Variants in RICTOR observed in about 807,000 individuals in gnomAD.
RICTOR encodes rapamycin-insensitive companion of mTOR.
RICTOR carries 49 observed loss-of-function variants against 214.9 expected under a neutral mutation model. The ratio of observed to expected loss-of-function variants is 0.23; its 90% CI spans 0.18 to 0.29. The LOEUF is 0.29. RICTOR is among the 10% of genes least tolerant of loss of function. RICTOR has a pLI of 1.00. For missense variants in RICTOR, 1,625 were observed against 2,047.0 expected (o/e 0.79, Z 3.98); for synonymous variants, 717 against 711.3 (o/e 1.01, Z -0.13).
intron 2 of RICTOR, among the ~76,000 whole-genome samples, chr5:39,025,722 C>T (rs1290705571): frequency 6.6e-6 from 1 of 152,230 alleles, no homozygotes; most frequent in Middle Eastern, 3.4e-3. Context: ...CCCTGGGGTC[C>T]CTTTTTATAA....
chr5:38,970,696 G>GA lies in RICTOR; in HGVS notation c.972+1180dup, dbSNP rs376788978. 3.1e-4 allele frequency: 47 copies of GA among 151,686 alleles called. 3 individuals carry two copies. Among genetic ancestry groups the GA allele is most frequent in the African/African-American group, 1.1e-3 (46 of 41,158 alleles). 9.4% of individuals were successfully genotyped at this position (151,686 alleles called of 1,614,324 possible). On this transcript the variant is annotated intron_variant, in intron 11 of 37. Coordinates refer to ENST00000357387, the MANE Select transcript of RICTOR (RefSeq NM_152756.5). ...CAAATAAAAACATTTAAGGAGAAAGGAAAAAAATCACTTTAAGAATTCTCT... is the reference window on the plus strand; with the variant it reads ...CAAATAAAAACATTTAAGGAGAAAGGAAAAAAAATCACTTTAAGAATTCTCT...
intron 2 of RICTOR, among the ~76,000 whole-genome samples, chr5:39,040,033 C>T (rs926625991): frequency 5.3e-5 from 8 of 152,194 alleles, no homozygotes; most frequent in African/African-American, 1.9e-4. Context: ...TTTACTGCAG[C>T]ACTATTCGCA....
At chr5:38,950,859 G>T in intron 30 of RICTOR, 139 bp from the exon 31 acceptor site, 1 of 545,156 alleles carries the variant, frequency 1.8e-6, no homozygotes, top group Non-Finnish European at 3.1e-6. Context: ...AAACCATTCA[G>T]CTACTTGAAA....
Position 39,025,745 on chromosome 5 carries a change from C to T in RICTOR, c.98-4609G>A, listed in dbSNP as rs544392555. On this transcript the variant is annotated intron_variant, in intron 2 of 37. Transcript: ENST00000357387. Reference sequence around the variant, plus strand: ...TCCCTTTTTATAAGGGCACTAATTCCACTTGTGAGGGCTTCACCCTTATGA... The same window carrying T: ...TCCCTTTTTATAAGGGCACTAATTCTACTTGTGAGGGCTTCACCCTTATGA... 6.6e-5 allele frequency among the ~76,000 whole-genome samples: 10 copies of T among 152,242 alleles called. No homozygotes were observed. In the East Asian group the frequency reaches 1.7e-3, roughly 26 times the overall value.
At chr5:38,963,429 A>C (rs1048163071) in intron 16 of RICTOR, among the ~76,000 whole-genome samples, 1 of 152,014 alleles carries the variant, frequency 6.6e-6, no homozygotes, top group Non-Finnish European at 1.5e-5. Flanking sequence ...ATGAGGTTGA[A>C]ATAATTTCAC....
intron 3 of RICTOR, among the ~76,000 whole-genome samples, chr5:39,016,738 T>C (rs1754988354): frequency 6.6e-6 from 1 of 152,144 alleles, no homozygotes; most frequent in Non-Finnish European, 1.5e-5. Context: ...AAGCCACTCC[T>C]GTTCCAAAAA....
intron 2 of RICTOR, among the ~76,000 whole-genome samples, chr5:39,032,194 T>G (rs1756324966): frequency 6.6e-6 from 1 of 152,168 alleles, no homozygotes; most frequent in Admixed American, 6.5e-5. Flanking sequence ...GATGCCAAAA[T>G]CTGCCCCTTT....
At position 39,039,594 on chromosome 5, in the gene RICTOR, T is replaced by C. The variant is rs189484950; in HGVS notation, c.98-18458A>G. Among the ~76,000 whole-genome samples, 241 of 152,296 alleles carry C rather than the reference T, an allele frequency of 1.6e-3. 2 individuals are homozygous for C. Among genetic ancestry groups the C allele is most frequent in the African/African-American group, 5.5e-3 (227 of 41,562 alleles). ...TGACAAAGGGCTAATATCCAGAATC[T>C]ACAATGAAGTCAAACAAATTTACAA... On this transcript the variant is annotated intron_variant, in intron 2 of 37. Coordinates refer to ENST00000357387, the MANE Select transcript of RICTOR (RefSeq NM_152756.5).
chr5:39,031,124 C>T (rs1239586838), intron 2 of RICTOR, among the ~76,000 whole-genome samples: 1 of 152,132 alleles, frequency 6.6e-6, no homozygotes, highest in Non-Finnish European at 1.5e-5. Context: ...TCTTGAAGGG[C>T]TGGAGGCTGA....
intron 2 of RICTOR, among the ~76,000 whole-genome samples, chr5:39,069,770 G>A (rs1759174848): frequency 6.6e-6 from 1 of 152,136 alleles, no homozygotes; most frequent in Admixed American, 6.5e-5. Context: ...CAGCTCCTCT[G>A]CTTCCTAACT....
chr5:39,053,479 A>G (rs1242739626), intron 2 of RICTOR, among the ~76,000 whole-genome samples: 1 of 152,240 alleles, frequency 6.6e-6, no homozygotes, highest in Non-Finnish European at 1.5e-5. Context: ...ATTTTACTTT[A>G]CCAAAGGCAC....
At chr5:38,989,700 G>A (rs1276969364) in intron 7 of RICTOR, among the ~76,000 whole-genome samples, 1 of 152,136 alleles carries the variant, frequency 6.6e-6, no homozygotes, top group Admixed American at 6.5e-5. Context: ...GATATGAACA[G>A]ACACTTCTCA....
At chr5:38,984,047 C>T (rs10461997) in intron 7 of RICTOR, among the ~76,000 whole-genome samples, 57,787 of 101,974 alleles carry the variant, frequency 0.57, 11,249 homozygotes, top group East Asian at 0.65. Context: ...GTAAGAATTA[C>T]CTGTTTTTTT....
In RICTOR at chr5:38,942,021, G is replaced by T; in HGVS notation, c.*283C>A. ...AAATGAAAGAAAATAGAAAACCTAT[G>T]TAGGTATTCAGTGCTTGGCTCTTGC... On this transcript the variant is annotated 3_prime_UTR_variant, in exon 38 of 38. Coordinates refer to ENST00000357387, the MANE Select transcript of RICTOR (RefSeq NM_152756.5). 1 of 310,038 alleles carries T rather than the reference G, an allele frequency of 3.2e-6. No homozygotes were observed. 19.2% of individuals were successfully genotyped at this position (310,038 alleles called of 1,614,324 possible). A position where few individuals can be genotyped will look rare whatever the true frequency, so the allele number is the denominator to read the frequency against.
At chr5:38,975,425 A>G in intron 10 of RICTOR, 112 bp downstream of exon 10, 3 of 724,790 alleles carry the variant, frequency 4.1e-6, no homozygotes, top group Non-Finnish European at 4.7e-6. Flanking sequence ...AATAATATAC[A>G]AAGTAAGACT....
chr5:39,003,625 G>T lies in RICTOR; in HGVS notation c.196-3C>A. 6.3e-7 allele frequency: 1 copy of T among 1,597,828 alleles called. No homozygotes were observed. The highest frequency in any genetic ancestry group is 8.6e-7 in the Non-Finnish European group (1 of 1,168,276). ...CTGTGGCCAATATCACAAAGAAGCTGTCAGAAAAACAAAATAAGTGTGCAT... is the reference window on the plus strand; with the variant it reads ...CTGTGGCCAATATCACAAAGAAGCTTTCAGAAAAACAAAATAAGTGTGCAT... On this transcript the variant is annotated splice_region_variant and splice_polypyrimidine_tract_variant and intron_variant, in intron 3 of 37. Coordinates refer to ENST00000357387, the MANE Select transcript of RICTOR (RefSeq NM_152756.5).
At chr5:39,009,410 G>A (rs1754320619) in intron 3 of RICTOR, among the ~76,000 whole-genome samples, 1 of 152,120 alleles carries the variant, frequency 6.6e-6, no homozygotes, top group Non-Finnish European at 1.5e-5. Context: ...GTTTAGAGAG[G>A]TGTGTCATTT....
chr5:39,039,122 A>T (rs1251136283), intron 2 of RICTOR, among the ~76,000 whole-genome samples: 1 of 152,220 alleles, frequency 6.6e-6, no homozygotes, highest in Non-Finnish European at 1.5e-5. Context: ...ACAGAGATAT[A>T]GACCAATGGA....
intron 2 of RICTOR, among the ~76,000 whole-genome samples, chr5:39,054,713 T>C (rs1025696685): frequency 2.0e-5 from 3 of 152,226 alleles, no homozygotes; most frequent in African/African-American, 7.2e-5. Flanking sequence ...GTCTGATTTA[T>C]CTTGTAACCT....
Sources: gnomAD v4.1 joint callset for allele counts (sites outside exome capture counted in the v4.1 genomes callset) on GRCh38, gnomAD v4.1.1 for gene constraint, MANE v1.5 for transcripts, NCBI Gene and HGNC (gene_info 2026-07-23, HGNC 2026-07-21) for gene names.